The following CDH17 variants were observed in gnomAD, a reference collection of about 807,000 sequenced individuals.
CDH17 encodes cadherin 17, also known as cadherin-17.
In CDH17, 67 loss-of-function variants were observed where a neutral mutation model predicts 86.3. The ratio of observed to expected loss-of-function variants is 0.78; its 90% CI spans 0.64 to 0.95. CDH17 has a LOEUF of 0.95. CDH17 is among the 40% of genes least tolerant of loss of function. CDH17 has a pLI of 0.00. For synonymous variants in CDH17, 367 were observed against 366.4 expected (o/e 1.00, Z -0.02); for missense variants, 993 against 1,017.6 (o/e 0.98, Z 0.33).
intron 12 of CDH17, among the ~76,000 whole-genome samples, chr8:94,159,356 G>A (rs1020894037): frequency 2.0e-5 from 3 of 152,162 alleles, no homozygotes; most frequent in African/African-American, 2.4e-5. Flanking sequence ...TGAAAGTAAA[G>A]CAGCGGAGAG....
chr8:94,133,983 C>G (rs1332019334), intron 15 of CDH17, among the ~76,000 whole-genome samples: 4 of 152,226 alleles, frequency 2.6e-5, no homozygotes, highest in South Asian at 4.1e-4. Context: ...GTTGAACCAG[C>G]CTTGCATCCC....
chr8:94,204,554 C>G (rs934539553), intron 1 of CDH17, among the ~76,000 whole-genome samples: 1 of 152,110 alleles, frequency 6.6e-6, no homozygotes, highest in Admixed American at 6.6e-5. Flanking sequence ...CATTGATGGG[C>G]ATTTTGGTTG....
chr8:94,172,500 T>C (rs574780075), intron 7 of CDH17, among the ~76,000 whole-genome samples: 1 of 152,254 alleles, frequency 6.6e-6, no homozygotes, highest in South Asian at 2.1e-4. Flanking sequence ...CTTTTATATC[T>C]AATATTTTTA....
intron 1 of CDH17, among the ~76,000 whole-genome samples, chr8:94,213,723 G>A (rs1022597289): frequency 2.0e-5 from 3 of 152,070 alleles, no homozygotes; most frequent in Non-Finnish European, 4.4e-5. Flanking sequence ...CCTCACCGAG[G>A]TTGCCAACAA....
chr8:94,130,774 C>T (rs769495156), intron 16 of CDH17, 35 bp from the exon 17 acceptor site: 1 of 1,567,872 alleles, frequency 6.4e-7, no homozygotes, highest in East Asian at 2.2e-5. Context: ...AGGATAAATT[C>T]TCAAGTGAAT....
chr8:94,211,141 C>T (rs1814116444), upstream of CDH17, among the ~76,000 whole-genome samples: 1 of 151,682 alleles, frequency 6.6e-6, no homozygotes, highest in African/African-American at 2.4e-5. Context: ...ATGTTTTAAG[C>T]ATTCCTCCAA....
At chr8:94,191,604 C>T (rs958903896) in intron 2 of CDH17, among the ~76,000 whole-genome samples, 1 of 150,432 alleles carries the variant, frequency 6.6e-6, no homozygotes, top group Non-Finnish European at 1.5e-5. Context: ...GGCACCCCCC[C>T]ACCATGCCCG....
At chr8:94,193,617 G>T (rs1475277446) in intron 2 of CDH17, among the ~76,000 whole-genome samples, 1 of 152,110 alleles carries the variant, frequency 6.6e-6, no homozygotes. Flanking sequence ...CACTACCCTG[G>T]GATAACATAG....
chr8:94,159,680 A>C lies in CDH17; in HGVS notation c.1551+291T>G, dbSNP rs541360204. Among the ~76,000 whole-genome samples, 10 of 152,292 alleles carry C rather than the reference A, an allele frequency of 6.6e-5. No homozygotes were observed. In the South Asian group the frequency reaches 1.7e-3, roughly 25 times the overall value. On this transcript the variant is annotated intron_variant, in intron 12 of 17. Transcript: ENST00000027335. ...TAAGTGCATCCCAAATATTGCATAG[A>C]ACACACTTATACTAAAAAATTGTTC...
intron 3 of CDH17, among the ~76,000 whole-genome samples, chr8:94,184,606 T>C (rs1813541614): frequency 6.6e-6 from 1 of 152,126 alleles, no homozygotes; most frequent in Non-Finnish European, 1.5e-5. Context: ...TTAATAGGCA[T>C]AGGATTTCTC....
chr8:94,206,562 C>T (rs1187032551), intron 1 of CDH17, among the ~76,000 whole-genome samples: 1 of 151,916 alleles, frequency 6.6e-6, no homozygotes, highest in Non-Finnish European at 1.5e-5. Flanking sequence ...ATGAGGGACA[C>T]ATCCTTCTAG....
At chr8:94,151,343 C>G (rs1300678185) in intron 13 of CDH17, among the ~76,000 whole-genome samples, 1 of 152,224 alleles carries the variant, frequency 6.6e-6, no homozygotes, top group Non-Finnish European at 1.5e-5. Context: ...TTAGCCACCT[C>G]AGCCAGAGCA....
intron 17 of CDH17, among the ~76,000 whole-genome samples, chr8:94,128,668 C>T (rs754036916): frequency 3.3e-5 from 5 of 152,138 alleles, no homozygotes; most frequent in Non-Finnish European, 7.3e-5. Flanking sequence ...AGTGTATAAG[C>T]ACCTGACAAA....
At chr8:94,195,876 T>C (rs892384092) in intron 1 of CDH17, among the ~76,000 whole-genome samples, 24 of 152,084 alleles carry the variant, frequency 1.6e-4, no homozygotes, top group African/African-American at 5.8e-4. Context: ...TTCTCCTGCC[T>C]CAGCCTCCCA....
Position 94,146,084 on chromosome 8 carries a change from A to T in CDH17, c.2011T>A (p.Tyr671Asn). 6.2e-7 allele frequency: 1 copy of T among 1,613,504 alleles called. No individual in the cohort carries two copies. The highest frequency in any genetic ancestry group is 8.5e-7 in the Non-Finnish European group (1 of 1,179,762). ...NDNPPRLAKD[Y>N]TGLFFCHPLS... is the part of the protein sequence containing the mutation. ...GGATGGCAGAAGAACAAGCCCGTGT[A>T]GTCCTTGGCTAGCCTGGGAGGGTTG... is the stretch of plus-strand genomic sequence containing the variant. The change falls in exon 15 of 18, where the codon TAC becomes AAC. Residue 671 changes from tyrosine (Y) to asparagine (N), a missense_variant. Physicochemically the swap from Tyr to Asn is moderately radical, Grantham distance 143 (BLOSUM62 -2). Transcript: ENST00000027335.
chr8:94,128,372 G>T, intron 17 of CDH17, 32 bp from the exon 18 acceptor site: 1 of 1,333,184 alleles, frequency 7.5e-7, no homozygotes, highest in Non-Finnish European at 1.1e-6. Flanking sequence ...CAAATAAATG[G>T]GACCTTTTAA....
chr8:94,143,007 T>C (rs1812668668), intron 15 of CDH17, among the ~76,000 whole-genome samples: 1 of 152,238 alleles, frequency 6.6e-6, no homozygotes, highest in Non-Finnish European at 1.5e-5. Flanking sequence ...ATCACAAATG[T>C]TCTTGATGAT....
At chr8:94,158,551 G>A (rs555700582) in intron 12 of CDH17, among the ~76,000 whole-genome samples, 64 of 152,250 alleles carry the variant, frequency 4.2e-4, no homozygotes, top group South Asian at 6.2e-4. Flanking sequence ...AGCTGCCCCC[G>A]TCACCTGCAA....
intron 9 of CDH17, among the ~76,000 whole-genome samples, chr8:94,166,189 A>C (rs955675122): frequency 6.6e-6 from 1 of 152,198 alleles, no homozygotes; most frequent in Non-Finnish European, 1.5e-5. Context: ...AGTATCATGG[A>C]TTAAACAACA....
Sources: gnomAD v4.1 joint callset for allele counts (sites outside exome capture counted in the v4.1 genomes callset) on GRCh38, gnomAD v4.1.1 for gene constraint, MANE v1.5 for transcripts, NCBI Gene and HGNC (gene_info 2026-07-23, HGNC 2026-07-21) for gene names.